Variants in RSRC1 observed in about 807,000 individuals in gnomAD.
RSRC1 encodes serine/Arginine-related protein 53.
RSRC1 carries 39 observed loss-of-function variants against 49.1 expected under a neutral mutation model. The observed-to-expected ratio is 0.79, with a 90% confidence interval of 0.61 to 1.04. The LOEUF is 1.04. RSRC1 is among the 50% of genes least tolerant of loss of function. RSRC1 has a pLI of 0.00. For synonymous variants in RSRC1, 143 were observed against 130.8 expected, an observed-to-expected ratio of 1.09 and a Z score of -0.63; for missense variants, 388 against 402.4, an observed-to-expected ratio of 0.96 and a Z score of 0.31.
chr3:158,404,929 G>A (rs1358010862), intron 6 of RSRC1, among the ~76,000 whole-genome samples: 1 of 151,738 alleles, frequency 6.6e-6, no homozygotes, highest in Non-Finnish European at 1.5e-5. Context: ...TGGTGCTACT[G>A]TAATGGTTTT....
At chr3:158,329,802 C>A (rs1364555406) in intron 5 of RSRC1, among the ~76,000 whole-genome samples, 1 of 152,216 alleles carries the variant, frequency 6.6e-6, no homozygotes, top group African/African-American at 2.4e-5. Context: ...TTTCTGCTGC[C>A]TTTTGTTTGT....
At chr3:158,505,962 T>C (rs1261322195) in intron 7 of RSRC1, among the ~76,000 whole-genome samples, 4 of 152,178 alleles carry the variant, frequency 2.6e-5, no homozygotes, top group Non-Finnish European at 5.9e-5. Context: ...TTTACAAACA[T>C]TTCTTTAAAA....
rs547644269 is a variant in RSRC1 at position 158,443,869 on chromosome 3, G to C, written c.584-17066G>C. On this transcript the variant is annotated intron_variant, in intron 6 of 9. Coordinates refer to ENST00000611884, the MANE Select transcript of RSRC1 (RefSeq NM_001271838.2). ...ACTCAAAGGCTATTGTAGGGTTGCT[G>C]ATGGGCCTTATTTCAGTATTGTTGT... Among the ~76,000 whole-genome samples the C allele has an allele frequency of 2.0e-5, 3 of 152,262 alleles. No individual in the cohort carries two copies. In the East Asian group the frequency reaches 5.8e-4, roughly 29 times the overall value.
At chr3:158,470,725 C>A (rs1738100663) in intron 7 of RSRC1, among the ~76,000 whole-genome samples, 1 of 151,932 alleles carries the variant, frequency 6.6e-6, no homozygotes, top group Admixed American at 6.6e-5. Flanking sequence ...TATATAAAAC[C>A]ATAATCTAAT....
intron 7 of RSRC1, among the ~76,000 whole-genome samples, chr3:158,474,678 T>A (rs1348178390): frequency 6.6e-6 from 1 of 152,200 alleles, no homozygotes; most frequent in African/African-American, 2.4e-5. Context: ...GTAGGAAGCA[T>A]TCATTCTAGT....
intron 3 of RSRC1, among the ~76,000 whole-genome samples, chr3:158,199,514 T>A (rs1720897464): frequency 6.6e-6 from 1 of 152,146 alleles, no homozygotes; most frequent in Non-Finnish European, 1.5e-5. Context: ...TTCCATTGAT[T>A]TTTCTCTTTA....
Position 158,207,999 on chromosome 3 carries a change from A to G in RSRC1, c.494+4754A>G, listed in dbSNP as rs146975985. Among the ~76,000 whole-genome samples the G allele has an allele frequency of 4.5e-4, 69 of 152,268 alleles. No homozygotes were observed. The East Asian group carries it at 0.01, about 23-fold the overall frequency. ...ATTGGCCTGCTAATTTTATTTATCT[A>G]CAGATTTAGGAAGACCTAATATAAA... On this transcript the variant is annotated intron_variant, in intron 4 of 9. Coordinates refer to ENST00000611884, the MANE Select transcript of RSRC1 (RefSeq NM_001271838.2).
At chr3:158,503,040 C>G (rs574457685) in intron 7 of RSRC1, among the ~76,000 whole-genome samples, 11 of 152,246 alleles carry the variant, frequency 7.2e-5, no homozygotes, top group Non-Finnish European at 1.6e-4. Context: ...AGGTCTAGGG[C>G]TGAAGGCTGT....
chr3:158,454,272 TTC>T (rs764196069), intron 6 of RSRC1, among the ~76,000 whole-genome samples: 1 of 152,136 alleles, frequency 6.6e-6, no homozygotes, highest in Non-Finnish European at 1.5e-5. Flanking sequence ...TTTTTTTAAC[TTC>T]TCTGTTTTTC....
At chr3:158,120,854 G>T (rs1715209234) in intron 1 of RSRC1, among the ~76,000 whole-genome samples, 2 of 150,476 alleles carry the variant, frequency 1.3e-5, no homozygotes, top group Admixed American at 1.3e-4. Context: ...AATGGATCTT[G>T]TTTTTATATG....
At position 158,516,962 on chromosome 3, in the gene RSRC1, C is replaced by T. The variant is rs183775389; in HGVS notation, c.653-20130C>T. 1.4e-3 allele frequency among the ~76,000 whole-genome samples: 207 copies of T among 152,300 alleles called. 1 individual carries two copies. Among genetic ancestry groups the T allele is most frequent in the African/African-American group, 1.9e-3 (79 of 41,572 alleles). ...GCCTCGCCCTGCTTTGGCTCGTGCA[C>T]GGTGCACGCACCCACTGACCTATGC... On this transcript the variant is annotated intron_variant, in intron 7 of 9. Transcript: ENST00000611884.
chr3:158,415,536 A>G (rs1020222706), intron 6 of RSRC1, among the ~76,000 whole-genome samples: 4 of 152,018 alleles, frequency 2.6e-5, no homozygotes, highest in African/African-American at 9.7e-5. Flanking sequence ...AGTGGTAAAA[A>G]TAGGGTGTTA....
rs1729498419 is a variant in RSRC1, at chr3:158,330,826, A to C, written c.532-24031A>C. ...ACCGCTAATGAGGCATGAGAGTTTT[A>C]CATCTGTATTAGTCTGTTCTCATGC... On this transcript the variant is annotated intron_variant, in intron 5 of 9. Transcript: ENST00000611884. Among the ~76,000 whole-genome samples, 3 of 151,844 alleles carry C rather than the reference A, an allele frequency of 2.0e-5. No homozygotes were observed. The South Asian group carries it at 6.2e-4, about 32-fold the overall frequency.
chr3:158,195,145 C>G (rs1214758634), intron 3 of RSRC1, among the ~76,000 whole-genome samples: 1 of 152,152 alleles, frequency 6.6e-6, no homozygotes, highest in Non-Finnish European at 1.5e-5. Context: ...TTCTCCACAT[C>G]CTCTCCAGCA....
chr3:158,396,506 C>A (rs1398159155), intron 6 of RSRC1, among the ~76,000 whole-genome samples: 1 of 151,632 alleles, frequency 6.6e-6, no homozygotes, highest in Admixed American at 6.6e-5. Flanking sequence ...AAAGGACATT[C>A]ATCTGAATAA....
At chr3:158,236,332 A>T (rs891904084) in intron 4 of RSRC1, among the ~76,000 whole-genome samples, 1 of 152,218 alleles carries the variant, frequency 6.6e-6, no homozygotes, top group Non-Finnish European at 1.5e-5. Flanking sequence ...AAATAAAGGT[A>T]CGTCTTTATT....
At chr3:158,479,717 AG>A (rs1738532337) in intron 7 of RSRC1, among the ~76,000 whole-genome samples, 1 of 152,010 alleles carries the variant, frequency 6.6e-6, no homozygotes, top group Non-Finnish European at 1.5e-5. Flanking sequence ...TAAACTAACA[AG>A]GCATTTTTGT....
rs899422612 is a variant in RSRC1 at position 158,122,232 on chromosome 3, A to G, written c.128A>G (p.Lys43Arg). The G allele has an allele frequency of 1.2e-6, 2 of 1,605,946 alleles. No homozygotes were observed. Among genetic ancestry groups the G allele is most frequent in the African/African-American group, 1.3e-5 (1 of 74,476 alleles). ...RTYSRKKGGRKSRSKSRSWSR... is the reference protein window; with the variant it reads ...RTYSRKKGGRRSRSKSRSWSR... The stretch of plus-strand genomic sequence containing the variant: ...TACAGCCGAAAGAAAGGAGGAAGGA[A>G]ATCAAGATCAAAGTCAAGATCTTGG... Residue 43 changes from lysine to arginine, a missense_variant, in exon 2 of 10, where the codon AAA becomes AGA. Physicochemically the swap from Lys to Arg is conservative, Grantham distance 26 (BLOSUM62 2). Transcript: ENST00000611884.
chr3:158,249,611 C>A (rs1283260049), intron 4 of RSRC1, among the ~76,000 whole-genome samples: 1 of 152,034 alleles, frequency 6.6e-6, no homozygotes, highest in East Asian at 1.9e-4. Flanking sequence ...CGTATTCTTT[C>A]ATTTCTTTTG....
Sources: allele counts gnomAD v4.1 joint callset (sites outside exome capture counted in the v4.1 genomes callset), GRCh38; gene constraint gnomAD v4.1.1; transcripts MANE v1.5; gene names NCBI Gene and HGNC (gene_info 2026-07-23, HGNC 2026-07-21).